Variants in HTRA1 observed in about 807,000 individuals in gnomAD.
HTRA1 encodes the protein serine protease HTRA1.
HTRA1 carries 26 observed loss-of-function variants against 49.7 expected under a neutral mutation model. The ratio of observed to expected loss-of-function variants is 0.52; its 90% confidence interval spans 0.38 to 0.73. The LOEUF is 0.73. HTRA1 is among the 30% of genes least tolerant of loss of function. The pLI, the probability that HTRA1 is intolerant of heterozygous loss-of-function variation, is 0.00. For synonymous variants in HTRA1, 291 were observed against 286.9 expected, an observed-to-expected ratio of 1.01 and a Z score of -0.14; for missense variants, 561 against 667.2, an observed-to-expected ratio of 0.84 and a Z score of 1.75.
At chr10:122,463,507 T>C (rs1310927440) in intron 1 of HTRA1, among the ~76,000 whole-genome samples, 2 of 151,284 alleles carry the variant, frequency 1.3e-5, no homozygotes. Flanking sequence ...TCTCTCTCTC[T>C]TTTTTTTTCT....
chr10:122,469,704 G>A (rs867390707), intron 1 of HTRA1, among the ~76,000 whole-genome samples: 15 of 152,158 alleles, frequency 9.9e-5, no homozygotes, highest in African/African-American at 3.6e-4. Flanking sequence ...CCTAGCTGAG[G>A]CCACAGAAGA....
At chr10:122,492,327 G>T (rs1268366225) in intron 3 of HTRA1, among the ~76,000 whole-genome samples, 1 of 152,144 alleles carries the variant, frequency 6.6e-6, no homozygotes, top group Non-Finnish European at 1.5e-5. Flanking sequence ...TCATAAACAT[G>T]TTTATTTCAT....
At chr10:122,499,242 A>T (rs2672607) in intron 3 of HTRA1, among the ~76,000 whole-genome samples, 125,424 of 152,114 alleles carry the variant, frequency 0.82, 52,201 homozygotes, top group Non-Finnish European at 0.89. Context: ...GGGCACAATC[A>T]GAGGTCCAGG....
In HTRA1 at chr10:122,502,075, C is replaced by T. The variant is rs141961336; in HGVS notation, c.778-4616C>T. ...GTCTGTGTTTGGCCCTTATGGAAGA[C>T]TCTGGGCTGAGCTGCCCATGGTGAG... is the stretch of plus-strand genomic sequence containing the variant. On this transcript the variant is annotated intron_variant, in intron 3 of 8. Coordinates refer to ENST00000368984, the MANE Select transcript of HTRA1 (RefSeq NM_002775.5). 7.8e-3 allele frequency among the ~76,000 whole-genome samples: 1,110 copies of T among 142,328 alleles called. 16 individuals are homozygous for T. Among genetic ancestry groups the T allele is most frequent in the African/African-American group, 0.027 (1,021 of 37,876 alleles). The allele number at this position is 142,328 out of a possible 152,430, so 93.4% of individuals were successfully genotyped here.
At chr10:122,480,976 C>G (rs759923033) in intron 1 of HTRA1, among the ~76,000 whole-genome samples, 1 of 152,070 alleles carries the variant, frequency 6.6e-6, no homozygotes, top group Non-Finnish European at 1.5e-5. Context: ...CTGAACACTC[C>G]GTCATCTTGA....
At chr10:122,508,444 A>C (rs1053741210) in intron 5 of HTRA1, among the ~76,000 whole-genome samples, 4 of 152,224 alleles carry the variant, frequency 2.6e-5, no homozygotes, top group African/African-American at 9.6e-5. Flanking sequence ...GCCGACCTGG[A>C]GTATGTGCGA....
chr10:122,489,136 C>G, intron 2 of HTRA1, 135 bp downstream of exon 2: 2 of 754,728 alleles, frequency 2.6e-6, no homozygotes, highest in Non-Finnish European at 4.7e-6. Flanking sequence ...AAGTGTGTCT[C>G]CCTTAGAACA....
chr10:122,509,490 C>A (rs1460210264), intron 6 of HTRA1, among the ~76,000 whole-genome samples: 1 of 152,178 alleles, frequency 6.6e-6, no homozygotes, highest in African/African-American at 2.4e-5. Context: ...GAGCACAAGG[C>A]CCCTGAAGTG....
chr10:122,463,197 A>T (rs897736386), intron 1 of HTRA1, among the ~76,000 whole-genome samples: 1 of 152,224 alleles, frequency 6.6e-6, no homozygotes, highest in Non-Finnish European at 1.5e-5. Flanking sequence ...TCTAGAGTTT[A>T]CTTTATAGGA....
chr10:122,495,902 G>A (rs1304735399), intron 3 of HTRA1, among the ~76,000 whole-genome samples: 2 of 152,144 alleles, frequency 1.3e-5, no homozygotes, highest in Non-Finnish European at 2.9e-5. Flanking sequence ...CTCTGTTGTT[G>A]TAAATAAAGT....
chr10:122,489,132 G>T (rs1478550262), intron 2 of HTRA1, 131 bp downstream of exon 2: 1 of 757,930 alleles, frequency 1.3e-6, no homozygotes, highest in Non-Finnish European at 2.4e-6. Context: ...AGATAAGTGT[G>T]TCTCCCTTAG....
intron 1 of HTRA1, among the ~76,000 whole-genome samples, chr10:122,475,273 C>T (rs186582001): frequency 7.0e-4 from 107 of 152,302 alleles, no homozygotes; most frequent in East Asian, 3.7e-3. Context: ...TGAGGTCTGG[C>T]GTCCGGCGAG....
chr10:122,501,918 C>A (rs1367077962), intron 3 of HTRA1, among the ~76,000 whole-genome samples: 1 of 148,166 alleles, frequency 6.7e-6, no homozygotes. Flanking sequence ...CCTGGTACCA[C>A]CCAGCCCTTG....
At chr10:122,480,609 T>C (rs2097490571) in intron 1 of HTRA1, among the ~76,000 whole-genome samples, 1 of 152,162 alleles carries the variant, frequency 6.6e-6, no homozygotes, top group Non-Finnish European at 1.5e-5. Context: ...GCATGTCCTA[T>C]AGGCATAGCT....
chr10:122,504,182 C>T (rs1406092782), intron 3 of HTRA1, among the ~76,000 whole-genome samples: 1 of 152,194 alleles, frequency 6.6e-6, no homozygotes, highest in South Asian at 2.1e-4. Flanking sequence ...TGCCTGGGGG[C>T]TCCCCCGCCC....
chr10:122,510,679 C>G (rs2097505189), intron 7 of HTRA1, among the ~76,000 whole-genome samples: 2 of 152,136 alleles, frequency 1.3e-5, no homozygotes, highest in East Asian at 3.9e-4. Context: ...TTGGCAGGCT[C>G]ATGGCATCCT....
chr10:122,461,679 CCCG>C lies in HTRA1; in HGVS notation c.29_31del (p.Pro10del). The C allele has an allele frequency of 7.6e-7, 1 of 1,314,952 alleles. No individual in the cohort carries two copies. 81.5% of individuals were successfully genotyped at this position (1,314,952 alleles called of 1,614,324 possible). A position where few individuals can be genotyped will look rare whatever the true frequency, so the allele number is the denominator to read the frequency against. Reference sequence around the variant, plus strand: ...TGCAGATCCCGCGCGCCGCTCTTCTCCCGCTGCTGCTGCTGCTGCTGGCGGCGC... The same window carrying C: ...TGCAGATCCCGCGCGCCGCTCTTCTCCTGCTGCTGCTGCTGCTGGCGGCGC... On this transcript the variant is annotated inframe_deletion, in exon 1 of 9. Coordinates refer to ENST00000368984, the MANE Select transcript of HTRA1 (RefSeq NM_002775.5).
chr10:122,485,818 G>A (rs1347117610), intron 1 of HTRA1, among the ~76,000 whole-genome samples: 1 of 152,198 alleles, frequency 6.6e-6, no homozygotes, highest in Non-Finnish European at 1.5e-5. Flanking sequence ...GGAAGGCGCT[G>A]GTAATGGTCC....
chr10:122,484,700 G>A (rs770831300), intron 1 of HTRA1, among the ~76,000 whole-genome samples: 1 of 152,186 alleles, frequency 6.6e-6, no homozygotes. Flanking sequence ...CACATTTTAT[G>A]GATGAGAGGC....
Sources: gnomAD v4.1 joint callset for allele counts (sites outside exome capture counted in the v4.1 genomes callset) on GRCh38, gnomAD v4.1.1 for gene constraint, MANE v1.5 for transcripts, NCBI Gene and HGNC (gene_info 2026-07-23, HGNC 2026-07-21) for gene names.